MFSD6: variants seen among roughly 807,000 people sequenced by gnomAD.
MFSD6 encodes major facilitator superfamily domain-containing protein 6.
MFSD6 carries 26 observed loss-of-function variants against 56.3 expected under a neutral mutation model. The ratio of observed to expected loss-of-function variants is 0.46; its 90% confidence interval spans 0.34 to 0.64. MFSD6 has a LOEUF of 0.64. Ranked by LOEUF, MFSD6 falls within the 30% of genes least tolerant of loss-of-function variation. The pLI is 0.01. For missense variants in MFSD6, 750 were observed against 986.2 expected, an observed-to-expected ratio of 0.76 and a Z score of 3.21; for synonymous variants, 331 against 366.9, an observed-to-expected ratio of 0.90 and a Z score of 1.12.
Position 190,489,901 on chromosome 2 carries a change from A to T in MFSD6, c.1891+35A>T. ...TCCATTCTTTCTTAATATTCCTAAC[A>T]GTTCAGGCCATGGGAAGTCAACAAA... On this transcript the variant is annotated intron_variant, in intron 6 of 7. Coordinates refer to ENST00000392328, the MANE Select transcript of MFSD6 (RefSeq NM_017694.4). This position sits in a 1 kb window ranked among gnomAD's most constrained non-coding sequence, Gnocchi z 6.6. 1 of 1,575,446 alleles carries T rather than the reference A, an allele frequency of 6.3e-7. No homozygotes were observed. Among genetic ancestry groups the T allele is most frequent in the Non-Finnish European group, 8.6e-7 (1 of 1,157,356 alleles).
At position 190,497,381 on chromosome 2, in the gene MFSD6, T is replaced by C. The variant is rs1021670495; in HGVS notation, c.1892-58T>C. On this transcript the variant is annotated intron_variant, in intron 6 of 7. Coordinates refer to ENST00000392328, the MANE Select transcript of MFSD6 (RefSeq NM_017694.4). This position sits in a 1 kb window ranked among gnomAD's most constrained non-coding sequence, Gnocchi z 5.2. Reference sequence around the variant, plus strand: ...CTTGGTTTATTTATTTATTTTTACCTTTGTTCAAATATGTAGAAAATGCTG... The same window carrying C: ...CTTGGTTTATTTATTTATTTTTACCCTTGTTCAAATATGTAGAAAATGCTG... The C allele has an allele frequency of 6.4e-7, 1 of 1,556,766 alleles. No homozygotes were observed. The highest frequency in any genetic ancestry group is 1.4e-5 in the African/African-American group (1 of 73,090).
Position 190,447,983 on chromosome 2 carries a change from G to C in MFSD6, c.1532+10422G>C, listed in dbSNP as rs1311141890. On this transcript the variant is annotated intron_variant, in intron 3 of 7. Coordinates refer to ENST00000392328, the MANE Select transcript of MFSD6 (RefSeq NM_017694.4). The surrounding 1 kb of genome is among the most constrained non-coding windows in gnomAD (Gnocchi z 4.5). ...GAAGAAAAGGCCATTGTTGCAAAGTGGTATAAATGGATCCAGGGCTTTTAC... is the reference window on the plus strand; with the variant it reads ...GAAGAAAAGGCCATTGTTGCAAAGTCGTATAAATGGATCCAGGGCTTTTAC... 1.3e-5 allele frequency among the ~76,000 whole-genome samples: 2 copies of C among 152,146 alleles called. No homozygotes were observed. The highest frequency in any genetic ancestry group is 2.4e-5 in the African/African-American group (1 of 41,400).
Position 190,436,468 on chromosome 2 carries a change from C to T in MFSD6, c.439C>T (p.Leu147=). 3 of 1,614,162 alleles carry T rather than the reference C, an allele frequency of 1.9e-6. No individual in the cohort carries two copies. The highest frequency in any genetic ancestry group is 2.5e-6 in the Non-Finnish European group (3 of 1,180,040). ...TCTTTTGTGTTGGGTTTTATTCAAC[C>T]TGGGCATTGGATTTGTCAAACCTGC... is the stretch of plus-strand genomic sequence containing the variant. ...FSLLCWVLFN[L]GIGFVKPATL... is the part of the protein sequence containing the mutation. Residue 147 remains leucine (L), a synonymous_variant, in exon 3 of 8, where the codon CTG becomes TTG. Coordinates refer to ENST00000392328, the MANE Select transcript of MFSD6 (RefSeq NM_017694.4). The surrounding 1 kb of genome is among the most constrained non-coding windows in gnomAD (Gnocchi z 5.3).
intron 2 of MFSD6, 46 bp from the exon 3 acceptor site, chr2:190,435,931 G>A: frequency 7.0e-7 from 1 of 1,430,994 alleles, no homozygotes; most frequent in East Asian, 2.3e-5. Flanking sequence ...GTGTTTACAT[G>A]TTATGATTTT....
intron 3 of MFSD6, among the ~76,000 whole-genome samples, chr2:190,468,284 T>A (rs1687711383): frequency 6.6e-6 from 1 of 152,144 alleles, no homozygotes; most frequent in Non-Finnish European, 1.5e-5. Flanking sequence ...ATCTGCTAAA[T>A]CCCTCTAATA....
intron 4 of MFSD6, among the ~76,000 whole-genome samples, chr2:190,474,379 G>A (rs920428444): frequency 3.3e-5 from 5 of 151,976 alleles, no homozygotes; most frequent in African/African-American, 1.2e-4. Flanking sequence ...AATGATAAAG[G>A]GGATATCACC....
At chr2:190,476,207 C>T (rs977334789) in intron 4 of MFSD6, among the ~76,000 whole-genome samples, 11 of 152,098 alleles carry the variant, frequency 7.2e-5, no homozygotes, top group Admixed American at 2.6e-4. Flanking sequence ...CCAAAATTGA[C>T]AAATGGGATC....
intron 4 of MFSD6, among the ~76,000 whole-genome samples, chr2:190,481,016 G>C (rs1263233159): frequency 6.6e-6 from 1 of 152,198 alleles, no homozygotes; most frequent in African/African-American, 2.4e-5. Context: ...AGGGAAATGT[G>C]GCTAGTCAGT....
chr2:190,428,078 T>C (rs1685839692), intron 2 of MFSD6, among the ~76,000 whole-genome samples: 1 of 152,230 alleles, frequency 6.6e-6, no homozygotes, highest in Non-Finnish European at 1.5e-5. Context: ...CTGTTTATTA[T>C]TTTTCCATAA....
At chr2:190,484,214 G>T (rs932704177) in intron 4 of MFSD6, among the ~76,000 whole-genome samples, 2 of 152,152 alleles carry the variant, frequency 1.3e-5, no homozygotes, top group Non-Finnish European at 2.9e-5. Context: ...TGTTACTGTT[G>T]TCAGTCAGGG....
intron 4 of MFSD6, among the ~76,000 whole-genome samples, chr2:190,486,725 T>C (rs911950608): frequency 2.6e-5 from 4 of 152,222 alleles, no homozygotes; most frequent in Non-Finnish European, 5.9e-5. Context: ...AGAATTTTGA[T>C]CTTTTAGTTT....
rs747489145 is a variant in MFSD6 at position 190,427,734 on chromosome 2, T to TTTTC, written c.-53-8240_-53-8239insCTTT. Among the ~76,000 whole-genome samples the TTTTC allele has an allele frequency of 8.1e-4, 123 of 152,204 alleles. 1 individual carries two copies. The highest frequency in any genetic ancestry group is 1.5e-3 in the Non-Finnish European group (100 of 68,010). Reference sequence around the variant, plus strand: ...TGGAAAAGAAGTCTACCACTTTTTTTTTTTCTTTTTTTTTGAGACAGAGTT... The same window carrying TTTTC: ...TGGAAAAGAAGTCTACCACTTTTTTTTTTCTTTTCTTTTTTTTTGAGACAGAGTT... On this transcript the variant is annotated intron_variant, in intron 2 of 7. Transcript: ENST00000392328.
At chr2:190,446,771 T>C (rs1468276349) in intron 3 of MFSD6, among the ~76,000 whole-genome samples, 1 of 152,198 alleles carries the variant, frequency 6.6e-6, no homozygotes, top group Non-Finnish European at 1.5e-5. Flanking sequence ...ATACAAGAGA[T>C]GAATACTCGG....
rs1369617960 is a variant in MFSD6 at position 190,497,484 on chromosome 2, T to C, written c.1937T>C (p.Val646Ala). ...AGAATTCCTGTTCCCTCCAGTCCCGTTCCTATAGCAACCATCGACTTGGTA... is the reference window on the plus strand; with the variant it reads ...AGAATTCCTGTTCCCTCCAGTCCCGCTCCTATAGCAACCATCGACTTGGTA... ...AERIPVPSSP[V>A]PIATIDLVQQ... Residue 646 changes from valine to alanine, a missense_variant, in exon 7 of 8, where the codon GTT (valine) becomes GCT (alanine). By Grantham distance (64) the Val-to-Ala change is moderately conservative. Around this residue, in one of 5 missense-constraint regions of MFSD6, gnomAD observed 172 missense variants for 203.9 expected, o/e 0.84. Transcript: ENST00000392328. The surrounding 1 kb of genome is among the most constrained non-coding windows in gnomAD (Gnocchi z 5.2). 6.2e-7 allele frequency: 1 copy of C among 1,614,150 alleles called. No individual in the cohort carries two copies. The highest frequency in any genetic ancestry group is 1.1e-5 in the South Asian group (1 of 91,086).
rs1689988299 is a variant in MFSD6, at chr2:190,500,788, G to A, written c.*570G>A. ...TTAAAGTTAAAAAATGAAGTTAAAA[G>A]TTTCATCAGAAACTTTACATATCTT... On this transcript the variant is annotated 3_prime_UTR_variant, in exon 8 of 8. Coordinates refer to ENST00000392328, the MANE Select transcript of MFSD6 (RefSeq NM_017694.4). This position sits in a 1 kb window ranked among gnomAD's most constrained non-coding sequence, Gnocchi z 5.3. 2 of 152,638 alleles carry A rather than the reference G, an allele frequency of 1.3e-5. No homozygotes were observed. Among genetic ancestry groups the A allele is most frequent in the African/African-American group, 2.4e-5 (1 of 41,430 alleles). The allele number at this position is 152,638 out of a possible 1,614,324, so 9.5% of individuals were successfully genotyped here. A position where few individuals can be genotyped will look rare whatever the true frequency, so the allele number is the denominator to read the frequency against.
At position 190,463,656 on chromosome 2, in the gene MFSD6, A is replaced by G. The variant is rs1687445725; in HGVS notation, c.1533-6102A>G. 6.6e-6 allele frequency among the ~76,000 whole-genome samples: 1 copy of G among 152,050 alleles called. No individual in the cohort carries two copies. The highest frequency in any genetic ancestry group is 1.5e-5 in the Non-Finnish European group (1 of 68,006). On this transcript the variant is annotated intron_variant, in intron 3 of 7. Transcript: ENST00000392328. The surrounding 1 kb of genome is among the most constrained non-coding windows in gnomAD (Gnocchi z 4.4). ...GGCAACATAGTGAGACTTTGTGTCT[A>G]CTAAAAATCAAAAGTTAGCTTGGCG...
chr2:190,463,810 AC>A lies in MFSD6; in HGVS notation c.1533-5945del. On this transcript the variant is annotated intron_variant, in intron 3 of 7. Coordinates refer to ENST00000392328, the MANE Select transcript of MFSD6 (RefSeq NM_017694.4). This position sits in a 1 kb window ranked among gnomAD's most constrained non-coding sequence, Gnocchi z 4.4. ...ACTCCAGCCTGGGTAACAGAGCAAG[AC>A]CCTGTCTCAAAAATAAATAAATAAA... is the stretch of plus-strand genomic sequence containing the variant. 1 of 891,726 alleles carries A rather than the reference AC, an allele frequency of 1.1e-6. No individual in the cohort carries two copies. The highest frequency in any genetic ancestry group is 1.8e-5 in the African/African-American group (1 of 55,500). The allele number at this position is 891,726 out of a possible 1,614,324, so 55.2% of individuals were successfully genotyped here.
intron 3 of MFSD6, among the ~76,000 whole-genome samples, chr2:190,455,120 A>G (rs2125098892): frequency 1.3e-5 from 2 of 152,224 alleles, no homozygotes; most frequent in East Asian, 3.9e-4. Context: ...ACTTTAGCCC[A>G]GGTTGTCTAG....
Position 190,417,251 on chromosome 2 carries a change from G to A in MFSD6, c.-54+1838G>A, listed in dbSNP as rs144093184. Among the ~76,000 whole-genome samples the A allele has an allele frequency of 4.5e-4, 69 of 152,310 alleles. No individual in the cohort carries two copies. Among genetic ancestry groups the A allele is most frequent in the Non-Finnish European group, 6.3e-4 (43 of 68,036 alleles). ...GAAATGATACCATCACAGGACTTCA[G>A]TACTGGATCATTAGCGGTAAGATCA... On this transcript the variant is annotated intron_variant, in intron 2 of 7. Transcript: ENST00000392328. This position sits in a 1 kb window ranked among gnomAD's most constrained non-coding sequence, Gnocchi z 5.7.
Sources: gnomAD v4.1 joint callset for allele counts (sites outside exome capture counted in the v4.1 genomes callset) on GRCh38, gnomAD v4.1.1 for gene constraint, gnomAD v4.1.1 regional missense constraint, Gnocchi (gnomAD v3.1) non-coding constraint, MANE v1.5 for transcripts, NCBI Gene and HGNC (gene_info 2026-07-23, HGNC 2026-07-21) for gene names.